Variants in NCOA1 observed in about 807,000 individuals in gnomAD.
The protein encoded by NCOA1 is nuclear receptor coactivator 1.
NCOA1 carries 35 observed loss-of-function variants against 150.9 expected under a neutral mutation model. That is an observed-to-expected ratio of 0.23 (90% CI 0.18 to 0.31). The LOEUF (loss-of-function observed/expected upper bound fraction) is 0.31. Ranked by LOEUF, NCOA1 falls within the 10% of genes least tolerant of loss-of-function variation. The pLI, the probability that NCOA1 is intolerant of heterozygous loss-of-function variation, is 1.00. For synonymous variants in NCOA1, 590 were observed against 630.0 expected (o/e 0.94, Z 0.95); for missense variants, 1,491 against 1,749.3 (o/e 0.85, Z 2.63).
intron 10 of NCOA1, among the ~76,000 whole-genome samples, chr2:24,693,575 A>G (rs1056834477): frequency 1.2e-4 from 18 of 152,166 alleles, no homozygotes; most frequent in African/African-American, 4.1e-4. Context: ...TTATATACCT[A>G]TATTTGTTTG....
In NCOA1 at chr2:24,770,080, T is replaced by C. The variant is rs542358082; in HGVS notation, c.*1689T>C. 3 of 229,480 alleles carry C rather than the reference T, an allele frequency of 1.3e-5. No homozygotes were observed. The highest frequency in any genetic ancestry group is 1.8e-4 in the South Asian group (1 of 5,498). 14.2% of individuals were successfully genotyped at this position (229,480 alleles called of 1,614,324 possible). ...TCAGAAACTATGCCGAATAAAAAGA[T>C]TGGTGGAAGGGCTCATGTGGTTAGC... On this transcript the variant is annotated 3_prime_UTR_variant, in exon 23 of 23. Coordinates refer to ENST00000348332, the MANE Select transcript of NCOA1 (RefSeq NM_003743.5).
chr2:24,560,850 A>C (rs1558795108), intron 1 of NCOA1, among the ~76,000 whole-genome samples: 1 of 152,184 alleles, frequency 6.6e-6, no homozygotes, highest in East Asian at 1.9e-4. Flanking sequence ...GCTCATATTT[A>C]TTAATAGAAT....
In NCOA1 at chr2:24,749,022, T is replaced by C. The variant is rs570708680; in HGVS notation, c.3707-2960T>C. The stretch of plus-strand genomic sequence containing the variant: ...AAGTATTTAACTGTGAGATGTATTT[T>C]GTCAGGAAAAAAAGAAAGAAAGAAC... On this transcript the variant is annotated intron_variant, in intron 19 of 22. Transcript: ENST00000348332. Among the ~76,000 whole-genome samples, 30 of 152,318 alleles carry C rather than the reference T, an allele frequency of 2.0e-4. 1 individual carries two copies. In the South Asian group the frequency reaches 6.2e-3, roughly 32 times the overall value.
At chr2:24,602,523 A>C (rs1019666775) in intron 3 of NCOA1, among the ~76,000 whole-genome samples, 13 of 152,082 alleles carry the variant, frequency 8.5e-5, no homozygotes, top group Non-Finnish European at 1.6e-4. Context: ...TAAAAAATAC[A>C]CTCTAAGTTA....
chr2:24,711,188 A>C, intron 14 of NCOA1, 77 bp downstream of exon 14: 1 of 1,368,544 alleles, frequency 7.3e-7, no homozygotes. Flanking sequence ...CACCAGTATT[A>C]CACAGATCCT....
At chr2:24,550,518 T>G (rs1047556339) in intron 1 of NCOA1, among the ~76,000 whole-genome samples, 8 of 152,126 alleles carry the variant, frequency 5.3e-5, no homozygotes, top group African/African-American at 1.9e-4. Flanking sequence ...CTCGAGAGAT[T>G]TATTCACTAC....
At chr2:24,494,299 G>T (rs1477163975) in intron 1 of NCOA1, among the ~76,000 whole-genome samples, 2 of 152,188 alleles carry the variant, frequency 1.3e-5, no homozygotes, top group African/African-American at 4.8e-5. Context: ...AGTTCTCCCT[G>T]CTTGGTTGTC....
At position 24,523,605 on chromosome 2, in the gene NCOA1, C is replaced by CAAAAAAAAAAAAAAAAAA; in HGVS notation, c.-396+32011_-396+32028dup. On this transcript the variant is annotated intron_variant, in intron 1 of 22. Transcript: ENST00000348332. ...TGGGAGACAGAGTGAGACTCCGTCTCAAAAAAAAAAAAAAAAAAAAAAAAA... is the reference window on the plus strand; with the variant it reads ...TGGGAGACAGAGTGAGACTCCGTCTCAAAAAAAAAAAAAAAAAAAAAAAAAAAAAAAAAAAAAAAAAAA... 1.4e-3 allele frequency among the ~76,000 whole-genome samples: 24 copies of CAAAAAAAAAAAAAAAAAA among 17,700 alleles called. 4 individuals carry two copies. The highest frequency in any genetic ancestry group is 1.9e-3 in the Non-Finnish European group (15 of 7,884). The allele number at this position is 17,700 out of a possible 152,430, so 11.6% of individuals were successfully genotyped here.
Position 24,685,325 on chromosome 2 carries a change from A to G in NCOA1, c.532+2197A>G, listed in dbSNP as rs571030237. Among the ~76,000 whole-genome samples the G allele has an allele frequency of 2.6e-5, 4 of 152,288 alleles. No individual in the cohort carries two copies. The South Asian group carries it at 6.2e-4, about 24-fold the overall frequency. On this transcript the variant is annotated intron_variant, in intron 8 of 22. Transcript: ENST00000348332. ...TAAGAAACAAAATCTGAATGCTGGGAAGCTGGTATGGTGAGAAATTTTGTC... is the reference window on the plus strand; with the variant it reads ...TAAGAAACAAAATCTGAATGCTGGGGAGCTGGTATGGTGAGAAATTTTGTC...
intron 1 of NCOA1, among the ~76,000 whole-genome samples, chr2:24,528,803 C>A (rs1276955416): frequency 6.6e-6 from 1 of 152,062 alleles, no homozygotes; most frequent in East Asian, 1.9e-4. Context: ...AGTGTTAGAC[C>A]CTTTGGCTGA....
chr2:24,729,965 A>C (rs1572652078), intron 17 of NCOA1, 150 bp downstream of exon 17: 5 of 741,758 alleles, frequency 6.7e-6, no homozygotes, highest in Non-Finnish European at 1.1e-5. Context: ...CCTGCCTCAG[A>C]CTCCCGAGTA....
At chr2:24,525,517 C>T (rs554757164) in intron 1 of NCOA1, among the ~76,000 whole-genome samples, 8 of 150,878 alleles carry the variant, frequency 5.3e-5, no homozygotes, top group African/African-American at 1.9e-4. Context: ...GAAATAGCTA[C>T]TTCAGGTTGT....
chr2:24,645,457 C>T (rs569375192), intron 4 of NCOA1, among the ~76,000 whole-genome samples: 18 of 142,848 alleles, frequency 1.3e-4, no homozygotes, highest in African/African-American at 4.7e-4. Flanking sequence ...TTGCAGTGAG[C>T]AGAGATCGAG....
At chr2:24,629,132 T>C (rs918108768) in intron 3 of NCOA1, among the ~76,000 whole-genome samples, 1 of 152,126 alleles carries the variant, frequency 6.6e-6, no homozygotes, top group Admixed American at 6.5e-5. Context: ...GGAATTTAGT[T>C]TGGAACTTAA....
intron 1 of NCOA1, among the ~76,000 whole-genome samples, chr2:24,534,730 T>G (rs1665053680): frequency 6.6e-6 from 1 of 152,202 alleles, no homozygotes; most frequent in South Asian, 2.1e-4. Flanking sequence ...CAGGAGCAGT[T>G]TTTTCAGTTT....
intron 3 of NCOA1, among the ~76,000 whole-genome samples, chr2:24,642,037 TGC>T (rs1553441349): frequency 3.6e-5 from 5 of 138,448 alleles, no homozygotes; most frequent in Admixed American, 2.2e-4. Flanking sequence ...TGTGTGTGTG[TGC>T]GCGCGTGCGT....
intron 11 of NCOA1, among the ~76,000 whole-genome samples, chr2:24,701,220 G>T (rs1239620705): frequency 6.6e-6 from 1 of 151,928 alleles, no homozygotes; most frequent in African/African-American, 2.4e-5. Flanking sequence ...TTAAAAAGTA[G>T]GTGGCTGGGC....
rs1665204920 is a variant in NCOA1 at position 24,768,955 on chromosome 2, A to G, written c.*564A>G. On this transcript the variant is annotated 3_prime_UTR_variant, in exon 23 of 23. Coordinates refer to ENST00000348332, the MANE Select transcript of NCOA1 (RefSeq NM_003743.5). The stretch of plus-strand genomic sequence containing the variant: ...CTTCAAGAGAATATTTTGCCTCCAC[A>G]TATGTACCCCTTCTCCTTTTTTTAA... 1 of 214,932 alleles carries G rather than the reference A, an allele frequency of 4.7e-6. No individual in the cohort carries two copies. The highest frequency in any genetic ancestry group is 1.9e-4 in the South Asian group (1 of 5,368). The allele number at this position is 214,932 out of a possible 1,614,324, so 13.3% of individuals were successfully genotyped here.
intron 10 of NCOA1, among the ~76,000 whole-genome samples, chr2:24,697,117 T>C (rs1218790320): frequency 6.6e-6 from 1 of 152,202 alleles, no homozygotes; most frequent in African/African-American, 2.4e-5. Context: ...CTAGCAAATC[T>C]TAATGTTCTC....
Sources: allele counts gnomAD v4.1 joint callset (sites outside exome capture counted in the v4.1 genomes callset), GRCh38; gene constraint gnomAD v4.1.1; transcripts MANE v1.5; gene names NCBI Gene and HGNC (gene_info 2026-07-23, HGNC 2026-07-21).